ARHGAP31: variants seen among roughly 807,000 people sequenced by gnomAD.
The protein encoded by ARHGAP31 is rho GTPase-activating protein 31.
In ARHGAP31, 34 loss-of-function variants were observed where a neutral mutation model predicts 113.9. The observed-to-expected ratio is 0.30, with a 90% CI of 0.23 to 0.40. The LOEUF is 0.40. ARHGAP31 is among the 10% of genes least tolerant of loss of function. ARHGAP31 has a pLI of 1.00. For synonymous variants in ARHGAP31, 650 were observed against 684.8 expected, an observed-to-expected ratio of 0.95 and a Z score of 0.79; for missense variants, 1,548 against 1,767.1, an observed-to-expected ratio of 0.88 and a Z score of 2.22.
chr3:119,310,433 C>A (rs920343931), intron 1 of ARHGAP31, among the ~76,000 whole-genome samples: 1 of 152,204 alleles, frequency 6.6e-6, no homozygotes, highest in Non-Finnish European at 1.5e-5. Flanking sequence ...CCCCAAACCT[C>A]AGGCTGCAAA....
Position 119,294,684 on chromosome 3 carries a change from C to G in ARHGAP31, c.-221C>G, listed in dbSNP as rs1370662670. ...CCGCGGCTGCCAGTCTGCACGGCCT[C>G]GGCACGGCGGCCCCGGAGCGGCGCG... On this transcript the variant is annotated 5_prime_UTR_variant, in exon 1 of 12. Coordinates refer to ENST00000264245, the MANE Select transcript of ARHGAP31 (RefSeq NM_020754.4). The G allele has an allele frequency of 3.0e-5, 18 of 592,026 alleles. No individual in the cohort carries two copies. The highest frequency in any genetic ancestry group is 1.2e-5 in the Non-Finnish European group (4 of 337,232). The allele number at this position is 592,026 out of a possible 1,614,324, so 36.7% of individuals were successfully genotyped here. A position where few individuals can be genotyped will look rare whatever the true frequency, so the allele number is the denominator to read the frequency against.
chr3:119,409,575 C>G lies in ARHGAP31; in HGVS notation c.1725C>G (p.Gly575=). ...CGGGGACAGTGGAATGCAGCAAAGG[C>G]CTGTCCCAGGAGCCAGGCGCCCACC... ...EAPGTVECSK[G]LSQEPGAHLE... The change falls in exon 11 of 12, where the codon GGC becomes GGG. Residue 575 remains glycine, a synonymous_variant. Coordinates refer to ENST00000264245, the MANE Select transcript of ARHGAP31 (RefSeq NM_020754.4). 1 of 1,614,194 alleles carries G rather than the reference C, an allele frequency of 6.2e-7. No individual in the cohort carries two copies. The highest frequency in any genetic ancestry group is 8.5e-7 in the Non-Finnish European group (1 of 1,180,024).
intron 7 of ARHGAP31, among the ~76,000 whole-genome samples, 194 bp downstream of exon 7, chr3:119,391,177 A>G (rs1011843384): frequency 3.3e-5 from 5 of 152,156 alleles, no homozygotes; most frequent in African/African-American, 7.2e-5. Context: ...GCCTTTATGC[A>G]TGCACTGCCC....
intron 1 of ARHGAP31, among the ~76,000 whole-genome samples, chr3:119,349,426 T>G (rs2080091025): frequency 6.6e-6 from 1 of 152,148 alleles, no homozygotes; most frequent in Admixed American, 6.5e-5. Flanking sequence ...GGCTGGGTTC[T>G]GAAGAACGCA....
intron 6 of ARHGAP31, among the ~76,000 whole-genome samples, chr3:119,388,002 A>G (rs1269060048): frequency 6.6e-6 from 1 of 152,178 alleles, no homozygotes; most frequent in Non-Finnish European, 1.5e-5. Context: ...GTGAGGATCT[A>G]TGAGCAAATG....
chr3:119,357,162 C>T (rs1315259263), intron 1 of ARHGAP31, among the ~76,000 whole-genome samples: 3 of 152,098 alleles, frequency 2.0e-5, no homozygotes, highest in Non-Finnish European at 4.4e-5. Flanking sequence ...TAGAAAGTGC[C>T]ACAAAGGGAG....
At chr3:119,352,599 C>T (rs549137041) in intron 1 of ARHGAP31, among the ~76,000 whole-genome samples, 1 of 150,456 alleles carries the variant, frequency 6.6e-6, no homozygotes, top group Non-Finnish European at 1.5e-5. Context: ...GATTACCTCC[C>T]CTCCCTCTTC....
rs907358023 is a variant in ARHGAP31, at chr3:119,413,936, C to G, written c.2007C>G (p.Leu669=). Residue 669 remains leucine (L), a synonymous_variant, in exon 12 of 12, where the codon CTC becomes CTG. Coordinates refer to ENST00000264245, the MANE Select transcript of ARHGAP31 (RefSeq NM_020754.4). Reference sequence around the variant, plus strand: ...AAATCATTGAATCTGAGGAGGAGCTCTCATCGTTGCCACCTCCTGCTCTGA... The same window carrying G: ...AAATCATTGAATCTGAGGAGGAGCTGTCATCGTTGCCACCTCCTGCTCTGA... ...ELKIIESEEE[L]SSLPPPALKT... 6.2e-7 allele frequency: 1 copy of G among 1,614,216 alleles called. No individual in the cohort carries two copies. Among genetic ancestry groups the G allele is most frequent in the Non-Finnish European group, 8.5e-7 (1 of 1,180,052 alleles).
intron 9 of ARHGAP31, among the ~76,000 whole-genome samples, chr3:119,400,007 A>G (rs1253791977): frequency 6.6e-6 from 1 of 152,264 alleles, no homozygotes; most frequent in Non-Finnish European, 1.5e-5. Flanking sequence ...TTGTCTGGCA[A>G]CAGACTGTTA....
At position 119,417,724 on chromosome 3, in the gene ARHGAP31, T is replaced by G. The variant is rs2080790730; in HGVS notation, c.*1460T>G. 1 of 152,066 alleles carries G rather than the reference T, an allele frequency of 6.6e-6. No individual in the cohort carries two copies. The allele number at this position is 152,066 out of a possible 1,614,324, so 9.4% of individuals were successfully genotyped here. ...CCAATCTGATTTTCTTTTCAATTAT[T>G]TATAACTTTCAATGGTTCTTTCCTT... On this transcript the variant is annotated 3_prime_UTR_variant, in exon 12 of 12. Coordinates refer to ENST00000264245, the MANE Select transcript of ARHGAP31 (RefSeq NM_020754.4).
chr3:119,299,431 A>G (rs2079561478), intron 1 of ARHGAP31, among the ~76,000 whole-genome samples: 1 of 152,228 alleles, frequency 6.6e-6, no homozygotes, highest in Non-Finnish European at 1.5e-5. Flanking sequence ...TTCATATATA[A>G]TGTATATATT....
intron 1 of ARHGAP31, among the ~76,000 whole-genome samples, chr3:119,329,082 G>A (rs184791948): frequency 2.0e-5 from 3 of 152,216 alleles, no homozygotes; most frequent in African/African-American, 4.8e-5. Flanking sequence ...TAGCCATCTC[G>A]TGTACCTTGG....
At chr3:119,306,878 T>C (rs969639989) in intron 1 of ARHGAP31, among the ~76,000 whole-genome samples, 1 of 152,262 alleles carries the variant, frequency 6.6e-6, no homozygotes, top group Non-Finnish European at 1.5e-5. Flanking sequence ...ATTATACTTT[T>C]ATATTGCCCA....
At chr3:119,323,674 T>G (rs1342703950) in intron 1 of ARHGAP31, among the ~76,000 whole-genome samples, 2 of 152,180 alleles carry the variant, frequency 1.3e-5, no homozygotes, top group African/African-American at 4.8e-5. Flanking sequence ...GAGCAAGCCC[T>G]GTCCTCGTTA....
At chr3:119,362,767 TAAA>T (rs746820025) in intron 1 of ARHGAP31, among the ~76,000 whole-genome samples, 2 of 119,330 alleles carry the variant, frequency 1.7e-5, no homozygotes, top group Admixed American at 8.6e-5. Context: ...AAACTCTGTC[TAAA>T]AAAAAAAAAA....
chr3:119,325,024 A>G (rs1359491112), intron 1 of ARHGAP31: 1 of 454,466 alleles, frequency 2.2e-6, no homozygotes, highest in African/African-American at 2.0e-5. Flanking sequence ...ATGCCGTCTT[A>G]AATTAGGCCT....
chr3:119,392,826 C>A (rs2080516831), intron 7 of ARHGAP31, among the ~76,000 whole-genome samples: 1 of 152,252 alleles, frequency 6.6e-6, no homozygotes, highest in African/African-American at 2.4e-5. Flanking sequence ...TCATCCAACC[C>A]TTTTCAGTCC....
chr3:119,336,380 T>A (rs971282796), intron 1 of ARHGAP31, among the ~76,000 whole-genome samples: 1 of 142,610 alleles, frequency 7.0e-6, no homozygotes, highest in Non-Finnish European at 1.6e-5. Flanking sequence ...AGTCGCTAGA[T>A]GGGCCATAGT....
At chr3:119,402,526 T>TCAAA in intron 10 of ARHGAP31, 129 bp downstream of exon 10, 2 of 979,284 alleles carry the variant, frequency 2.0e-6, no homozygotes, top group Admixed American at 2.0e-5. Flanking sequence ...TGGGTACAAA[T>TCAAA]CCACGCTCTG....
Sources: gnomAD v4.1 joint callset for allele counts (sites outside exome capture counted in the v4.1 genomes callset) on GRCh38, gnomAD v4.1.1 for gene constraint, MANE v1.5 for transcripts, NCBI Gene and HGNC (gene_info 2026-07-23, HGNC 2026-07-21) for gene names.